The following GPHN variants were observed in gnomAD, a reference collection of about 807,000 sequenced individuals.
GPHN encodes gephyrin.
A neutral mutation model predicts 95.5 loss-of-function variants in GPHN; 17 were observed. The observed-to-expected ratio is 0.18, with a 90% CI of 0.12 to 0.27. GPHN has a LOEUF of 0.27. Among genes scored for constraint, GPHN ranks in the 10% least tolerant of loss-of-function variants. The probability of loss-of-function intolerance (pLI) is 1.00; values close to 1 mark genes in which losing one functional copy is unlikely to be tolerated. For synonymous variants in GPHN, 320 were observed against 322.5 expected (o/e 0.99, Z 0.08); for missense variants, 660 against 978.1 (o/e 0.67, Z 4.34).
intron 10 of GPHN, among the ~76,000 whole-genome samples, chr14:67,049,030 C>G (rs999196840): frequency 6.6e-6 from 1 of 152,124 alleles, no homozygotes; most frequent in Non-Finnish European, 1.5e-5. Flanking sequence ...TTTCCTGTTT[C>G]TGCCTAAAGG....
the GPHN span, among the ~76,000 whole-genome samples, chr14:67,669,452 G>A: frequency 1.3e-5 from 2 of 148,494 alleles, no homozygotes; most frequent in Non-Finnish European, 3.0e-5. Flanking sequence ...TTTTTTTGTA[G>A]AGATAGGTCT....
chr14:67,310,575 A>G, the GPHN span, among the ~76,000 whole-genome samples: 1 of 152,210 alleles, frequency 6.6e-6, no homozygotes, highest in African/African-American at 2.4e-5. Flanking sequence ...TCACTATGCT[A>G]TACACTTATG....
chr14:66,627,774 A>G (rs184338178), intron 1 of GPHN, among the ~76,000 whole-genome samples: 1 of 152,174 alleles, frequency 6.6e-6, no homozygotes, highest in Admixed American at 6.5e-5. Context: ...GTTTTTTGGT[A>G]TTAGGATATT....
At chr14:67,167,422 T>A (rs2082343576) in intron 20 of GPHN, among the ~76,000 whole-genome samples, 1 of 152,224 alleles carries the variant, frequency 6.6e-6, no homozygotes, top group African/African-American at 2.4e-5. Flanking sequence ...ACTTGTATTT[T>A]GAAGCAAGGG....
chr14:67,085,289 A>G (rs2076839138), intron 11 of GPHN, among the ~76,000 whole-genome samples: 1 of 152,278 alleles, frequency 6.6e-6, no homozygotes, highest in African/African-American at 2.4e-5. Context: ...ACAATAAGAT[A>G]TATGAACAAC....
At chr14:67,086,074 T>C (rs2076871482) in intron 11 of GPHN, among the ~76,000 whole-genome samples, 1 of 152,258 alleles carries the variant, frequency 6.6e-6, no homozygotes, top group Non-Finnish European at 1.5e-5. Flanking sequence ...TATTTCTGTA[T>C]GTATATACCA....
chr14:67,388,799 T>G, the GPHN span, among the ~76,000 whole-genome samples: 1 of 152,020 alleles, frequency 6.6e-6, no homozygotes, highest in South Asian at 2.1e-4. Context: ...CCTGCCTCAG[T>G]CTCCCGAGGA....
At chr14:67,585,825 A>G in the GPHN span, 2 of 1,109,488 alleles carry the variant, frequency 1.8e-6, no homozygotes, top group South Asian at 3.0e-5. Flanking sequence ...TTCAAGATGG[A>G]GATCTCCAAA....
At chr14:66,805,256 A>G (rs1471412271) in intron 3 of GPHN, among the ~76,000 whole-genome samples, 1 of 152,200 alleles carries the variant, frequency 6.6e-6, no homozygotes, top group Non-Finnish European at 1.5e-5. Context: ...CACTATTGCT[A>G]GAATAGCAAG....
At chr14:66,834,242 A>AT (rs2061698848) in intron 4 of GPHN, among the ~76,000 whole-genome samples, 1 of 151,978 alleles carries the variant, frequency 6.6e-6, no homozygotes. Context: ...TTTGCATTTA[A>AT]TTTTTCTACC....
chr14:66,603,365 T>G (rs963049836), intron 1 of GPHN, among the ~76,000 whole-genome samples: 6 of 151,902 alleles, frequency 3.9e-5, no homozygotes, highest in Admixed American at 2.6e-4. Flanking sequence ...TTTTACAAAC[T>G]TTGAATCATA....
chr14:67,385,740 C>T, the GPHN span: 1 of 150,828 alleles, frequency 6.6e-6, no homozygotes, highest in African/African-American at 2.4e-5. Flanking sequence ...ATCCTCCTGC[C>T]TCTGCCTCTG....
chr14:67,648,149 A>G, the GPHN span: 1 of 1,614,058 alleles, frequency 6.2e-7, no homozygotes, highest in South Asian at 1.1e-5. Flanking sequence ...CCTATCGAGA[A>G]GGCATGTATA....
At chr14:67,163,148 T>TA (rs59123282) in intron 19 of GPHN, among the ~76,000 whole-genome samples, 84 of 151,332 alleles carry the variant, frequency 5.6e-4, no homozygotes, top group African/African-American at 1.9e-3. Flanking sequence ...CTATTAAAAA[T>TA]AAAAAAAATT....
chr14:66,743,726 A>G (rs1168131740), intron 2 of GPHN, among the ~76,000 whole-genome samples: 1 of 152,198 alleles, frequency 6.6e-6, no homozygotes, highest in Non-Finnish European at 1.5e-5. Context: ...TGGACGACAG[A>G]GCGAGACTCC....
intron 1 of GPHN, among the ~76,000 whole-genome samples, chr14:66,536,674 C>T (rs2059159058): frequency 6.6e-6 from 1 of 152,146 alleles, no homozygotes; most frequent in Non-Finnish European, 1.5e-5. Flanking sequence ...TTTTTATTCT[C>T]TGAAAGCATT....
chr14:66,545,985 C>T (rs1237920707), intron 1 of GPHN, among the ~76,000 whole-genome samples: 5 of 146,310 alleles, frequency 3.4e-5, no homozygotes, highest in South Asian at 2.2e-4. Flanking sequence ...GGGGCGGCTT[C>T]GGGGGGGAGG....
intron 1 of GPHN, among the ~76,000 whole-genome samples, chr14:66,679,845 T>C (rs1014844535): frequency 1.3e-5 from 2 of 152,236 alleles, no homozygotes; most frequent in Admixed American, 1.3e-4. Context: ...TTGAAGATCT[T>C]TTTTAAAGTC....
the GPHN span, chr14:67,205,125 C>T: frequency 3.3e-6 from 5 of 1,514,120 alleles, no homozygotes; most frequent in South Asian, 1.3e-5. Flanking sequence ...CTTTAATAAT[C>T]GAGAACTAGA....
Sources: gnomAD v4.1 joint callset for allele counts (sites outside exome capture counted in the v4.1 genomes callset) on GRCh38, gnomAD v4.1.1 for gene constraint, MANE v1.5 for transcripts, NCBI Gene and HGNC (gene_info 2026-07-23, HGNC 2026-07-21) for gene names.